TMEM74: variants seen among roughly 807,000 people sequenced by gnomAD.
TMEM74 encodes transmembrane protein 74.
TMEM74 carries 13 observed loss-of-function variants against 18.1 expected under a neutral mutation model. The ratio of observed to expected loss-of-function variants is 0.72; its 90% CI spans 0.47 to 1.14. TMEM74 has a LOEUF of 1.14. TMEM74 is among the 50% of genes most tolerant of loss of function. The probability of loss-of-function intolerance (pLI) is 0.00; values close to 1 mark genes in which losing one functional copy is unlikely to be tolerated. For synonymous variants in TMEM74, 159 were observed against 146.6 expected (o/e 1.08, Z -0.61); for missense variants, 372 against 375.9 (o/e 0.99, Z 0.09).
chr8:108,655,443 A>G (rs943828364), intron 1 of TMEM74: 1 of 152,088 alleles, frequency 6.6e-6, no homozygotes, highest in Admixed American at 6.6e-5. Context: ...TGTCTCTGTA[A>G]AATAAAAAAA....
intron 1 of TMEM74, among the ~76,000 whole-genome samples, chr8:108,686,356 G>A (rs977085961): frequency 1.3e-5 from 2 of 151,328 alleles, no homozygotes; most frequent in Non-Finnish European, 2.9e-5. Flanking sequence ...CTGCCACCGC[G>A]CCCGGCTAAT....
chr8:108,647,520 A>G (rs1812731766), intron 2 of TMEM74, among the ~76,000 whole-genome samples: 1 of 152,182 alleles, frequency 6.6e-6, no homozygotes, highest in African/African-American at 2.4e-5. Flanking sequence ...TAGGTTTTAA[A>G]GTAGGAAAAA....
In TMEM74 at chr8:108,640,697, T is replaced by C. The variant is rs146850999; in HGVS notation, n.264+14596A>G. Among the ~76,000 whole-genome samples, 60 of 152,288 alleles carry C rather than the reference T, an allele frequency of 3.9e-4. 1 individual carries two copies. In the East Asian group the frequency reaches 0.012, roughly 29 times the overall value. On this transcript the variant is annotated intron_variant and non_coding_transcript_variant, in intron 2 of 3. Coordinates refer to the TMEM74 transcript ENST00000518838. ...TTTATATAGTCAACCTATGCACAGT[T>C]AAGTCAGTCTCTCACAACTGTGCAT...
At chr8:108,709,648 C>G (rs1010443389) in intron 1 of TMEM74, among the ~76,000 whole-genome samples, 39 of 152,088 alleles carry the variant, frequency 2.6e-4, no homozygotes, top group African/African-American at 8.4e-4. Context: ...TTGCACACTT[C>G]AAAATTTAAG....
intron 1 of TMEM74, among the ~76,000 whole-genome samples, chr8:108,747,766 A>G (rs1202297966): frequency 1.6e-5 from 2 of 125,352 alleles, no homozygotes; most frequent in Non-Finnish European, 3.1e-5. Flanking sequence ...CCCTGTGTTC[A>G]TGTGTCCTCA....
chr8:108,664,229 C>T (rs1294413029), intron 1 of TMEM74, among the ~76,000 whole-genome samples: 6 of 152,128 alleles, frequency 3.9e-5, no homozygotes, highest in African/African-American at 1.4e-4. Context: ...TTGGCCATTT[C>T]AACAATATTG....
rs1586244224 is a variant in TMEM74 at position 108,642,292 on chromosome 8, A to G, written n.264+13001T>C. Among the ~76,000 whole-genome samples the G allele has an allele frequency of 1.3e-5, 2 of 151,348 alleles. 1 individual carries two copies. The highest frequency in any genetic ancestry group is 2.9e-5 in the Non-Finnish European group (2 of 67,806). ...TGCATGCCTGTAATCCCAGCTACTCAGGAGGCTGAGACAGGAGAATTGCTT... is the reference window on the plus strand; with the variant it reads ...TGCATGCCTGTAATCCCAGCTACTCGGGAGGCTGAGACAGGAGAATTGCTT... On this transcript the variant is annotated intron_variant and non_coding_transcript_variant, in intron 2 of 3. Coordinates refer to the TMEM74 transcript ENST00000518838.
intron 1 of TMEM74, among the ~76,000 whole-genome samples, chr8:108,679,611 A>G (rs1813092132): frequency 6.6e-6 from 1 of 151,962 alleles, no homozygotes; most frequent in Admixed American, 6.6e-5. Context: ...TTTTTCTTGT[A>G]AATTTGTTGG....
chr8:108,623,589 G>C (rs1482035752), intron 2 of TMEM74, among the ~76,000 whole-genome samples: 1 of 152,068 alleles, frequency 6.6e-6, no homozygotes, highest in Non-Finnish European at 1.5e-5. Context: ...GCCAACACTA[G>C]CCTTAATATA....
intron 1 of TMEM74, among the ~76,000 whole-genome samples, chr8:108,699,611 T>C: frequency 6.6e-6 from 1 of 152,194 alleles, no homozygotes; most frequent in East Asian, 1.9e-4. Flanking sequence ...CCTCCTGTTC[T>C]ACTGTTAAGG....
intron 1 of TMEM74, among the ~76,000 whole-genome samples, chr8:108,714,790 A>T (rs890158078): frequency 6.6e-6 from 1 of 152,202 alleles, no homozygotes; most frequent in African/African-American, 2.4e-5. Flanking sequence ...GCCCATCAAT[A>T]ATAAACTGGA....
chr8:108,747,101 G>T (rs934799307), intron 1 of TMEM74, among the ~76,000 whole-genome samples: 6 of 152,248 alleles, frequency 3.9e-5, no homozygotes, highest in African/African-American at 1.4e-4. Flanking sequence ...GCCTGGACTT[G>T]TGATTGGTGC....
At position 108,675,996 on chromosome 8, in the gene TMEM74, G is replaced by T. The variant is rs985093126; in HGVS notation, n.120-20559C>A. 5.9e-5 allele frequency among the ~76,000 whole-genome samples: 9 copies of T among 152,306 alleles called. No individual in the cohort carries two copies. The South Asian group carries it at 1.9e-3, about 32-fold the overall frequency. Reference sequence around the variant, plus strand: ...AAGAAAAACAAAAAGGATAGGCAGAGAATTTGATAAACTGGCTCTTTTAAA... The same window carrying T: ...AAGAAAAACAAAAAGGATAGGCAGATAATTTGATAAACTGGCTCTTTTAAA... On this transcript the variant is annotated intron_variant and non_coding_transcript_variant, in intron 1 of 3. Coordinates refer to the TMEM74 transcript ENST00000518838.
exon 4 of TMEM74, chr8:108,607,670 G>A (rs980041478): frequency 4.6e-5 from 7 of 152,090 alleles, no homozygotes; most frequent in Admixed American, 3.9e-4. Flanking sequence ...GTTTAAAGTC[G>A]AACTTCTTAA....
chr8:108,662,110 A>G (rs1411351007), intron 1 of TMEM74, among the ~76,000 whole-genome samples: 3 of 152,150 alleles, frequency 2.0e-5, no homozygotes, highest in African/African-American at 7.2e-5. Context: ...GGATAGACCC[A>G]TTGGGAGAAC....
intron 1 of TMEM74, among the ~76,000 whole-genome samples, chr8:108,695,334 A>C (rs1813270467): frequency 6.6e-6 from 1 of 152,222 alleles, no homozygotes; most frequent in Non-Finnish European, 1.5e-5. Flanking sequence ...TCGTAGAAGA[A>C]GTTAGTAAGG....
At chr8:108,695,135 G>A (rs1813267398) in intron 1 of TMEM74, among the ~76,000 whole-genome samples, 1 of 152,172 alleles carries the variant, frequency 6.6e-6, no homozygotes. Context: ...CAGCTGGCAT[G>A]AGCTGCAACA....
intron 1 of TMEM74, among the ~76,000 whole-genome samples, chr8:108,766,430 G>A (rs1814107958): frequency 6.6e-6 from 1 of 152,208 alleles, no homozygotes; most frequent in African/African-American, 2.4e-5. Flanking sequence ...GTAAAATTCT[G>A]TAAGGGATTA....
chr8:108,611,373 A>G (rs1410228116), intron 2 of TMEM74, among the ~76,000 whole-genome samples: 1 of 152,232 alleles, frequency 6.6e-6, no homozygotes, highest in Admixed American at 6.5e-5. Context: ...ACAAGAAGAT[A>G]CAAACAAGTC....
Sources: allele counts gnomAD v4.1 joint callset (sites outside exome capture counted in the v4.1 genomes callset), GRCh38; gene constraint gnomAD v4.1.1; transcripts MANE v1.5; gene names NCBI Gene and HGNC (gene_info 2026-07-23, HGNC 2026-07-21).